Variants in TNIK observed in about 807,000 individuals in gnomAD.
The protein encoded by TNIK is TRAF2 and NCK-interacting protein kinase.
A neutral mutation model predicts 191.3 loss-of-function variants in TNIK; 49 were observed. That is an observed-to-expected ratio of 0.26 (90% CI 0.20 to 0.32). TNIK has a LOEUF of 0.32. Ranked by LOEUF, TNIK falls within the 10% of genes least tolerant of loss-of-function variation. The pLI is 1.00. For missense variants in TNIK, 1,155 were observed against 1,702.3 expected, an observed-to-expected ratio of 0.68 and a Z score of 5.66; for synonymous variants, 594 against 600.9, an observed-to-expected ratio of 0.99 and a Z score of 0.17.
At chr3:171,154,705 T>G (rs905386276) in intron 12 of TNIK, among the ~76,000 whole-genome samples, 2 of 152,226 alleles carry the variant, frequency 1.3e-5, no homozygotes, top group Non-Finnish European at 2.9e-5. Flanking sequence ...TAGAAATTTT[T>G]ATTGAGCTGA....
chr3:171,389,173 A>G lies in TNIK; in HGVS notation c.58-19488T>C, dbSNP rs149879319. ...CCAATCTGTTCACAAGGGATCTAGC[A>G]CAACCACCTGGTACTTATTAGGTCC... is the stretch of plus-strand genomic sequence containing the variant. On this transcript the variant is annotated intron_variant, in intron 1 of 32. Coordinates refer to ENST00000436636, the MANE Select transcript of TNIK (RefSeq NM_015028.4). 2.6e-3 allele frequency among the ~76,000 whole-genome samples: 403 copies of G among 152,292 alleles called. 1 individual carries two copies. The highest frequency in any genetic ancestry group is 4.8e-3 in the Admixed American group (73 of 15,298).
intron 12 of TNIK, among the ~76,000 whole-genome samples, chr3:171,147,764 G>A (rs1377482199): frequency 2.0e-5 from 3 of 152,090 alleles, no homozygotes; most frequent in Non-Finnish European, 4.4e-5. Flanking sequence ...GACAGTTAAG[G>A]AAACTGAGGC....
intron 4 of TNIK, among the ~76,000 whole-genome samples, chr3:171,206,117 A>T (rs1740038863): frequency 6.6e-6 from 1 of 152,098 alleles, no homozygotes; most frequent in African/African-American, 2.4e-5. Flanking sequence ...TATTGTTTGT[A>T]GTCTACAGCA....
intron 21 of TNIK, 91 bp from the exon 22 acceptor site, chr3:171,101,724 GAAAA>G: frequency 8.4e-7 from 1 of 1,187,636 alleles, no homozygotes; most frequent in Non-Finnish European, 1.1e-6. Context: ...TAAGCAACAA[GAAAA>G]AAAAAAGCTC....
intron 18 of TNIK, among the ~76,000 whole-genome samples, chr3:171,116,295 T>TA (rs1726682025): frequency 6.6e-6 from 1 of 152,222 alleles, no homozygotes; most frequent in African/African-American, 2.4e-5. Flanking sequence ...AAATAATAGA[T>TA]ATCCCTTGTT....
At chr3:171,173,859 T>TCA (rs1735641042) in intron 9 of TNIK, among the ~76,000 whole-genome samples, 1 of 152,048 alleles carries the variant, frequency 6.6e-6, no homozygotes, top group African/African-American at 2.4e-5. Context: ...AGTGTCACTG[T>TCA]CACTTCCAGG....
At chr3:171,244,264 A>C (rs1040002925) in intron 2 of TNIK, among the ~76,000 whole-genome samples, 1 of 151,892 alleles carries the variant, frequency 6.6e-6, no homozygotes. Context: ...ACGGGGTTTC[A>C]CCATGTTAGC....
intron 7 of TNIK, among the ~76,000 whole-genome samples, chr3:171,185,829 TTTC>T (rs370729377): frequency 3.3e-5 from 5 of 152,378 alleles, no homozygotes; most frequent in African/African-American, 1.2e-4. Flanking sequence ...TCTTTTTCTT[TTTC>T]TTCTTGTCTT....
intron 2 of TNIK, among the ~76,000 whole-genome samples, chr3:171,246,129 G>C (rs1416029356): frequency 6.6e-6 from 1 of 152,124 alleles, no homozygotes; most frequent in African/African-American, 2.4e-5. Flanking sequence ...GGATTGTTCT[G>C]CCTTATTCCC....
At chr3:171,082,574 T>C (rs1720834580) in intron 26 of TNIK, 180 bp from the exon 27 acceptor site, 1 of 715,134 alleles carries the variant, frequency 1.4e-6, no homozygotes, top group Non-Finnish European at 2.1e-6. Context: ...GTACTTCTGG[T>C]AATGAAATTA....
At chr3:171,239,295 A>G (rs1744671068) in intron 2 of TNIK, among the ~76,000 whole-genome samples, 1 of 152,252 alleles carries the variant, frequency 6.6e-6, no homozygotes, top group Non-Finnish European at 1.5e-5. Context: ...AAGAGAATAA[A>G]GGTGTTTGCC....
At chr3:171,437,897 C>T (rs913924169) in intron 1 of TNIK, among the ~76,000 whole-genome samples, 7 of 152,292 alleles carry the variant, frequency 4.6e-5, no homozygotes, top group South Asian at 2.1e-4. Flanking sequence ...TGAGGAAATC[C>T]GGGGAGTTGA....
chr3:171,235,771 G>T (rs867335156), intron 2 of TNIK, among the ~76,000 whole-genome samples: 12 of 151,238 alleles, frequency 7.9e-5, no homozygotes, highest in Admixed American at 2.0e-4. Flanking sequence ...GTTTTGGTGG[G>T]GGGGGGGTTT....
At chr3:171,445,419 CAAAA>C (rs75214809) in intron 1 of TNIK, among the ~76,000 whole-genome samples, 1 of 87,080 alleles carries the variant, frequency 1.1e-5, no homozygotes, top group Non-Finnish European at 2.5e-5. Flanking sequence ...ACCCTGTCTC[CAAAA>C]AAAAAAAAAA....
At chr3:171,162,864 T>C (rs951042848) in intron 10 of TNIK, among the ~76,000 whole-genome samples, 1 of 152,218 alleles carries the variant, frequency 6.6e-6, no homozygotes, top group African/African-American at 2.4e-5. Flanking sequence ...TAGTGCTCTT[T>C]CCAACATATT....
At chr3:171,095,724 G>C (rs1722624533) in intron 22 of TNIK, among the ~76,000 whole-genome samples, 1 of 152,046 alleles carries the variant, frequency 6.6e-6, no homozygotes, top group African/African-American at 2.4e-5. Flanking sequence ...AAATGACAGG[G>C]GGAGTCCAGA....
rs567085352 is a variant in TNIK at position 171,451,291 on chromosome 3, C to T, written c.57+8716G>A. The stretch of plus-strand genomic sequence containing the variant: ...CTCAAGCAACCAATGGAGCCACCTA[C>T]GTGGGGAGGAACTGAGGCCTCCTGC... On this transcript the variant is annotated intron_variant, in intron 1 of 32. Coordinates refer to ENST00000436636, the MANE Select transcript of TNIK (RefSeq NM_015028.4). 1.4e-4 allele frequency among the ~76,000 whole-genome samples: 22 copies of T among 152,318 alleles called. No homozygotes were observed. In the South Asian group the frequency reaches 3.9e-3, roughly 27 times the overall value.
intron 9 of TNIK, among the ~76,000 whole-genome samples, chr3:171,173,395 C>CAAA (rs57114753): frequency 8.3e-6 from 1 of 120,674 alleles, no homozygotes; most frequent in African/African-American, 3.1e-5. Context: ...GACTCCGTCT[C>CAAA]AAAAAAAAAA....
At position 171,101,513 on chromosome 3, in the gene TNIK, C is replaced by A. The variant is rs774194075; in HGVS notation, c.2527G>T (p.Glu843Ter). The change falls in exon 22 of 33, where the codon GAG (glutamate) becomes TAG (stop). Residue 843 changes from glutamate to a stop codon, truncating the protein, a stop_gained. Coordinates refer to ENST00000436636, the MANE Select transcript of TNIK (RefSeq NM_015028.4). LOFTEE classifies it high-confidence loss of function. Reference protein sequence around the residue: ...SEESESSEEEEEDGESETHDG... With the variant: ...SEESESSEEE ...TGGGTCTCGCTCTCTCCATCTTCCT[C>A]CTCTTCCTCGCTACTTTCTGACTCC... The A allele has an allele frequency of 6.2e-7, 1 of 1,613,582 alleles. No individual in the cohort carries two copies. The highest frequency in any genetic ancestry group is 8.5e-7 in the Non-Finnish European group (1 of 1,179,608).
Sources: allele counts gnomAD v4.1 joint callset (sites outside exome capture counted in the v4.1 genomes callset), GRCh38; gene constraint gnomAD v4.1.1; transcripts MANE v1.5; gene names NCBI Gene and HGNC (gene_info 2026-07-23, HGNC 2026-07-21).